The following FHIT variants were observed in gnomAD, a reference collection of about 807,000 sequenced individuals.
FHIT encodes the protein bis(5'-adenosyl)-triphosphatase.
A neutral mutation model predicts 17.9 loss-of-function variants in FHIT; 19 were observed. The observed-to-expected ratio is 1.06, with a 90% CI of 0.74 to 1.56. The LOEUF (loss-of-function observed/expected upper bound fraction) is 1.56, where lower values mean the gene tolerates loss of function less well. FHIT is among the 40% of genes most tolerant of loss of function. The pLI, the probability that FHIT is intolerant of heterozygous loss-of-function variation, is 0.00. For missense variants in FHIT, 248 were observed against 189.2 expected (o/e 1.31, Z -1.82); for synonymous variants, 81 against 69.7 (o/e 1.16, Z -0.81).
intron 5 of FHIT, among the ~76,000 whole-genome samples, chr3:60,018,016 A>G (rs1700409951): frequency 6.6e-6 from 1 of 152,172 alleles, no homozygotes. Flanking sequence ...TTATAAAAGA[A>G]CACCTGAAGC....
At chr3:60,079,765 C>T (rs1031226932) in intron 5 of FHIT, among the ~76,000 whole-genome samples, 22 of 152,156 alleles carry the variant, frequency 1.4e-4, no homozygotes, top group Admixed American at 2.0e-4. Context: ...ACCTCCTGCG[C>T]AACCATAAAC....
chr3:60,383,093 A>G (rs1242607559), intron 5 of FHIT, among the ~76,000 whole-genome samples: 1 of 152,224 alleles, frequency 6.6e-6, no homozygotes, highest in African/African-American at 2.4e-5. Flanking sequence ...TCTGAGTTAC[A>G]TTACTAAAAT....
At chr3:61,031,605 T>C (rs1193814900) in intron 3 of FHIT, among the ~76,000 whole-genome samples, 2 of 152,230 alleles carry the variant, frequency 1.3e-5, no homozygotes, top group African/African-American at 4.8e-5. Context: ...GGGATTTTTA[T>C]TTATTTTTCA....
intron 3 of FHIT, among the ~76,000 whole-genome samples, chr3:60,861,175 A>ATGTGATATATATGATATATATCATATG: frequency 4.4e-5 from 1 of 22,836 alleles, no homozygotes; most frequent in African/African-American, 1.5e-4. Context: ...CATATGTTCT[A>ATGTGATATATATGATATATATCATATG]TGATATATAT....
At chr3:59,960,440 G>A (rs555980563) in intron 7 of FHIT, among the ~76,000 whole-genome samples, 1 of 152,322 alleles carries the variant, frequency 6.6e-6, no homozygotes, top group African/African-American at 2.4e-5. Context: ...CTCACTGGCT[G>A]GCAACTTCAC....
intron 4 of FHIT, among the ~76,000 whole-genome samples, chr3:60,764,368 A>G (rs1553720886): frequency 6.6e-6 from 1 of 152,138 alleles, no homozygotes; most frequent in East Asian, 1.9e-4. Flanking sequence ...ACAAAGCCCA[A>G]AGGATCAATT....
chr3:60,289,093 C>G (rs1225020450), intron 5 of FHIT, among the ~76,000 whole-genome samples: 4 of 152,024 alleles, frequency 2.6e-5, no homozygotes, highest in African/African-American at 9.7e-5. Flanking sequence ...TGGGGTTCAC[C>G]GGACCCTGGA....
intron 5 of FHIT, among the ~76,000 whole-genome samples, chr3:60,276,057 G>A (rs1274811426): frequency 2.7e-5 from 4 of 150,114 alleles, no homozygotes; most frequent in East Asian, 2.0e-4. Flanking sequence ...GCATGATCTC[G>A]GCTCACTGCA....
At chr3:60,539,172 C>T (rs2036093396) in intron 4 of FHIT, among the ~76,000 whole-genome samples, 1 of 152,252 alleles carries the variant, frequency 6.6e-6, no homozygotes, top group African/African-American at 2.4e-5. Context: ...ATTTATGCAG[C>T]CAACAGACAC....
intron 4 of FHIT, among the ~76,000 whole-genome samples, chr3:60,590,784 C>T (rs1356928418): frequency 6.6e-6 from 1 of 152,038 alleles, no homozygotes; most frequent in Non-Finnish European, 1.5e-5. Context: ...ACCCTGCACT[C>T]GAGTTAGGAA....
intron 5 of FHIT, among the ~76,000 whole-genome samples, chr3:60,353,156 C>A (rs1018102285): frequency 6.6e-6 from 1 of 152,142 alleles, no homozygotes; most frequent in Non-Finnish European, 1.5e-5. Context: ...ACCCCTTCTT[C>A]AGACTTAACC....
At chr3:60,087,747 G>T (rs778611067) in intron 5 of FHIT, among the ~76,000 whole-genome samples, 2 of 152,144 alleles carry the variant, frequency 1.3e-5, no homozygotes, top group Non-Finnish European at 2.9e-5. Context: ...TTGTCAGCAT[G>T]GATTTTACAG....
chr3:59,776,917 G>A lies in FHIT; in HGVS notation c.349-24596C>T, dbSNP rs941401841. Among the ~76,000 whole-genome samples the A allele has an allele frequency of 5.3e-5, 8 of 152,186 alleles. No individual in the cohort carries two copies. The East Asian group carries it at 5.8e-4, about 11-fold the overall frequency. ...TCAGGTTTCTTGACTTCAGAACTCC[G>A]ATTCTTAACCTATAACTCCTGTTCC... On this transcript the variant is annotated intron_variant, in intron 8 of 9. Coordinates refer to ENST00000492590, the MANE Select transcript of FHIT (RefSeq NM_002012.4).
At chr3:60,392,568 A>C (rs1194968175) in intron 5 of FHIT, among the ~76,000 whole-genome samples, 1 of 152,236 alleles carries the variant, frequency 6.6e-6, no homozygotes, top group Non-Finnish European at 1.5e-5. Flanking sequence ...TCTGACTGAA[A>C]AACTAAAGCT....
chr3:61,073,801 A>G (rs941962866), intron 2 of FHIT, among the ~76,000 whole-genome samples: 3 of 152,174 alleles, frequency 2.0e-5, no homozygotes, highest in Non-Finnish European at 4.4e-5. Flanking sequence ...CTAGCAATTT[A>G]AATAATAGAG....
chr3:60,575,750 A>C (rs1352311696), intron 4 of FHIT, among the ~76,000 whole-genome samples: 1 of 152,158 alleles, frequency 6.6e-6, no homozygotes, highest in African/African-American at 2.4e-5. Context: ...GTTCATCAGA[A>C]AATAGAATTT....
chr3:60,376,934 ATACAGT>A (rs1700588023), intron 5 of FHIT, among the ~76,000 whole-genome samples: 1 of 152,202 alleles, frequency 6.6e-6, no homozygotes, highest in African/African-American at 2.4e-5. Flanking sequence ...TCAGTGGGAA[ATACAGT>A]TAGTTTGTCA....
chr3:59,932,822 G>C (rs1380280587), intron 7 of FHIT, among the ~76,000 whole-genome samples: 2 of 152,138 alleles, frequency 1.3e-5, no homozygotes, highest in Non-Finnish European at 2.9e-5. Flanking sequence ...GAAAGAATAA[G>C]AGTAGTTACT....
chr3:60,631,181 G>C (rs2107772738), intron 4 of FHIT, among the ~76,000 whole-genome samples: 1 of 152,248 alleles, frequency 6.6e-6, no homozygotes, highest in South Asian at 2.1e-4. Context: ...CTCCTCTGTA[G>C]ACTTCTAGCA....
Sources: allele counts gnomAD v4.1 joint callset (sites outside exome capture counted in the v4.1 genomes callset), GRCh38; gene constraint gnomAD v4.1.1; transcripts MANE v1.5; gene names NCBI Gene and HGNC (gene_info 2026-07-23, HGNC 2026-07-21).